ADCY2: variants seen among roughly 807,000 people sequenced by gnomAD.
The protein encoded by ADCY2 is adenylate cyclase type 2.
ADCY2 carries 31 observed loss-of-function variants against 125.2 expected under a neutral mutation model. The ratio of observed to expected loss-of-function variants is 0.25; its 90% CI spans 0.19 to 0.33. The LOEUF (loss-of-function observed/expected upper bound fraction) is 0.33, where lower values mean the gene tolerates loss of function less well. Ranked by LOEUF, ADCY2 falls within the 10% of genes least tolerant of loss-of-function variation. The pLI is 1.00. For missense variants in ADCY2, 904 were observed against 1,418.2 expected (o/e 0.64, Z 5.82); for synonymous variants, 512 against 548.4 (o/e 0.93, Z 0.93).
At chr5:7,701,000 G>T (rs1368116481) in intron 7 of ADCY2, among the ~76,000 whole-genome samples, 1 of 151,902 alleles carries the variant, frequency 6.6e-6, no homozygotes, top group African/African-American at 2.4e-5. Context: ...ATGAAAAATA[G>T]TTTTTAGCTT....
chr5:7,639,999 C>A (rs983468877), intron 4 of ADCY2, among the ~76,000 whole-genome samples: 1 of 152,146 alleles, frequency 6.6e-6, no homozygotes, highest in African/African-American at 2.4e-5. Flanking sequence ...AGATAAAACA[C>A]AAGCTCGACA....
intron 3 of ADCY2, among the ~76,000 whole-genome samples, chr5:7,537,634 A>G (rs1326742285): frequency 6.6e-6 from 1 of 151,594 alleles, no homozygotes; most frequent in East Asian, 1.9e-4. Context: ...AGCTGCGGGA[A>G]CCCCCAGCCT....
At chr5:7,506,446 A>C (rs1743815837) in intron 2 of ADCY2, among the ~76,000 whole-genome samples, 1 of 152,226 alleles carries the variant, frequency 6.6e-6, no homozygotes, top group African/African-American at 2.4e-5. Flanking sequence ...CAGTAGGATG[A>C]AACAGCTGGC....
At chr5:7,581,688 G>A (rs1736439311) in intron 3 of ADCY2, among the ~76,000 whole-genome samples, 1 of 152,090 alleles carries the variant, frequency 6.6e-6, no homozygotes, top group African/African-American at 2.4e-5. Flanking sequence ...GGGTTTGGTG[G>A]CACATGCCTG....
intron 2 of ADCY2, among the ~76,000 whole-genome samples, chr5:7,442,078 T>C (rs1388782987): frequency 6.6e-6 from 1 of 152,208 alleles, no homozygotes; most frequent in Non-Finnish European, 1.5e-5. Flanking sequence ...AAACTAACCA[T>C]GTCTGCTTGC....
At chr5:7,411,089 T>C (rs1254530494) in intron 1 of ADCY2, among the ~76,000 whole-genome samples, 2 of 152,210 alleles carry the variant, frequency 1.3e-5, no homozygotes, top group Non-Finnish European at 2.9e-5. Context: ...ACTCTTCTGT[T>C]CTTCCCATGA....
intron 3 of ADCY2, among the ~76,000 whole-genome samples, chr5:7,544,709 G>A (rs1334753592): frequency 6.6e-6 from 1 of 152,186 alleles, no homozygotes; most frequent in Non-Finnish European, 1.5e-5. Flanking sequence ...CTTGTGGGGA[G>A]ATTGTTCTGC....
chr5:7,589,506 G>GAGA (rs1554022173), intron 3 of ADCY2, among the ~76,000 whole-genome samples: 35 of 93,840 alleles, frequency 3.7e-4, no homozygotes, highest in Non-Finnish European at 6.2e-4. Context: ...AAGAAAGAAA[G>GAGA]AAAGAAAAGA....
At chr5:7,573,598 T>A (rs12517278) in intron 3 of ADCY2, among the ~76,000 whole-genome samples, 1 of 129,316 alleles carries the variant, frequency 7.7e-6, no homozygotes. Context: ...ATTTTCTTTT[T>A]TTTTTTTTTT....
At chr5:7,736,585 G>A (rs1481496052) in intron 14 of ADCY2, among the ~76,000 whole-genome samples, 2 of 152,102 alleles carry the variant, frequency 1.3e-5, no homozygotes, top group African/African-American at 2.4e-5. Flanking sequence ...ACTCTTCTGG[G>A]ATGCTCTTCA....
intron 3 of ADCY2, among the ~76,000 whole-genome samples, chr5:7,615,205 C>A: frequency 6.6e-6 from 1 of 152,196 alleles, no homozygotes. Flanking sequence ...TCCTTCAACA[C>A]TGGGGACTAC....
At chr5:7,451,992 C>T (rs1314509649) in intron 2 of ADCY2, among the ~76,000 whole-genome samples, 8 of 152,282 alleles carry the variant, frequency 5.3e-5, no homozygotes, top group South Asian at 4.1e-4. Flanking sequence ...CTCACTGCAA[C>T]GTCCGCCTCC....
At chr5:7,475,561 T>C (rs1196975469) in intron 2 of ADCY2, among the ~76,000 whole-genome samples, 1 of 152,118 alleles carries the variant, frequency 6.6e-6, no homozygotes. Context: ...TTTGTATTTT[T>C]AGTAGAGACG....
At chr5:7,485,245 A>G (rs754440891) in intron 2 of ADCY2, among the ~76,000 whole-genome samples, 1 of 152,246 alleles carries the variant, frequency 6.6e-6, no homozygotes, top group Non-Finnish European at 1.5e-5. Flanking sequence ...ACATAGACAT[A>G]TAAAGAATTT....
chr5:7,706,976 C>T (rs112066650), intron 8 of ADCY2, 74 bp downstream of exon 8: 58 of 1,564,982 alleles, frequency 3.7e-5, no homozygotes, highest in African/African-American at 1.6e-4. Context: ...AGCCTAATGA[C>T]GGAGTGCTCA....
At chr5:7,727,364 G>C in intron 14 of ADCY2, 103 bp downstream of exon 14, 1 of 954,878 alleles carries the variant, frequency 1.0e-6, no homozygotes, top group Non-Finnish European at 1.6e-6. Context: ...TTAGACAGAG[G>C]GGTGATTTAA....
At chr5:7,470,014 T>A (rs985866152) in intron 2 of ADCY2, among the ~76,000 whole-genome samples, 3 of 151,876 alleles carry the variant, frequency 2.0e-5, no homozygotes, top group African/African-American at 7.2e-5. Context: ...TCAATTATAT[T>A]ATTAATTTTG....
chr5:7,817,581 C>G (rs1438274086), intron 23 of ADCY2, among the ~76,000 whole-genome samples: 1 of 152,124 alleles, frequency 6.6e-6, no homozygotes, highest in Non-Finnish European at 1.5e-5. Flanking sequence ...AACCCCAGCA[C>G]TTTCGGAGGC....
rs1191712838 is a variant in ADCY2, at chr5:7,785,632, G to A, written c.2469+1183G>A. Among the ~76,000 whole-genome samples, 5 of 152,204 alleles carry A rather than the reference G, an allele frequency of 3.3e-5. No homozygotes were observed. In the East Asian group the frequency reaches 5.8e-4, roughly 18 times the overall value. On this transcript the variant is annotated intron_variant, in intron 19 of 24. Transcript: ENST00000338316. ...CTTTCTGCTCTCACTCATATGGCAG[G>A]CATGCTCTCCCTTGAGTACTTTATA...
Sources: allele counts gnomAD v4.1 joint callset (sites outside exome capture counted in the v4.1 genomes callset), GRCh38; gene constraint gnomAD v4.1.1; transcripts MANE v1.5; gene names NCBI Gene and HGNC (gene_info 2026-07-23, HGNC 2026-07-21).